The following THNSL1 variants were observed in gnomAD, a reference collection of about 807,000 sequenced individuals.
The protein encoded by THNSL1 is threonine synthase-like 1.
A neutral mutation model predicts 50.4 loss-of-function variants in THNSL1; 48 were observed. The observed-to-expected ratio is 0.95, with a 90% CI of 0.76 to 1.21. THNSL1 has a LOEUF of 1.21. THNSL1 is among the 50% of genes most tolerant of loss of function. The probability of loss-of-function intolerance (pLI) is 0.00; values close to 1 mark genes in which losing one functional copy is unlikely to be tolerated. For synonymous variants in THNSL1, 309 were observed against 306.1 expected, an observed-to-expected ratio of 1.01 and a Z score of -0.10; for missense variants, 896 against 871.7, an observed-to-expected ratio of 1.03 and a Z score of -0.35.
the THNSL1 span, chr10:24,990,584 A>G: frequency 6.2e-7 from 1 of 1,612,152 alleles, no homozygotes; most frequent in Non-Finnish European, 8.5e-7. Flanking sequence ...TCGCTTACAT[A>G]TGTATTCAGG....
At chr10:24,989,691 T>C in the THNSL1 span, among the ~76,000 whole-genome samples, 1 of 152,244 alleles carries the variant, frequency 6.6e-6, no homozygotes, top group African/African-American at 2.4e-5. Context: ...TCAGAAGTTG[T>C]AACAGCATAT....
the THNSL1 span, among the ~76,000 whole-genome samples, chr10:25,007,906 G>A: frequency 6.6e-6 from 1 of 151,090 alleles, no homozygotes; most frequent in East Asian, 1.9e-4. Flanking sequence ...CAACCACATA[G>A]TTTTCCAGGC....
chr10:24,952,671 G>C, the THNSL1 span: 1 of 371,858 alleles, frequency 2.7e-6, no homozygotes. This position sits in a 1 kb window ranked among gnomAD's most constrained non-coding sequence, Gnocchi z 5.1. Context: ...TGGGGACGGG[G>C]ACGGGGACGG....
At position 25,024,479 on chromosome 10, in the gene THNSL1, A is replaced by G; in HGVS notation, c.1256A>G (p.Gln419Arg). The change falls in exon 3 of 3, where the codon CAA becomes CGA. Residue 419 changes from glutamine to arginine, a missense_variant. Physicochemically the swap from Gln to Arg is conservative, Grantham distance 43. Transcript: ENST00000376356. ...GGAGTAAGTGATTTTCAAAAAGCAC[A>G]AATAATTGGCAGTCAGAGAGAAAAT... Reference protein sequence around the residue: ...ENGVSDFQKAQIIGSQRENGW... With the variant: ...ENGVSDFQKARIIGSQRENGW... 1 of 1,614,232 alleles carries G rather than the reference A, an allele frequency of 6.2e-7. No homozygotes were observed. Among genetic ancestry groups the G allele is most frequent in the Middle Eastern group, 1.6e-4 (1 of 6,062 alleles).
At chr10:24,986,481 A>G in the THNSL1 span, among the ~76,000 whole-genome samples, 1 of 152,242 alleles carries the variant, frequency 6.6e-6, no homozygotes, top group East Asian at 1.9e-4. Flanking sequence ...GAAGCCCTCA[A>G]AAGAATTCTA....
chr10:24,964,982 G>C, the THNSL1 span, among the ~76,000 whole-genome samples: 8 of 151,824 alleles, frequency 5.3e-5, no homozygotes, highest in African/African-American at 2.4e-5. Flanking sequence ...AGGATCACTT[G>C]ACTAGGAGGT....
At chr10:24,976,441 T>A in the THNSL1 span, among the ~76,000 whole-genome samples, 1 of 152,216 alleles carries the variant, frequency 6.6e-6, no homozygotes, top group South Asian at 2.1e-4. Flanking sequence ...CTAACTCGTC[T>A]ATCTCACTGT....
chr10:25,021,733 C>A lies in THNSL1; in HGVS notation c.-215-9C>A, dbSNP rs141182903. 36 of 152,140 alleles carry A rather than the reference C, an allele frequency of 2.4e-4. No homozygotes were observed. Among genetic ancestry groups the A allele is most frequent in the African/African-American group, 8.7e-4 (36 of 41,528 alleles). 9.4% of individuals were successfully genotyped at this position (152,140 alleles called of 1,614,324 possible). ...AGTTATGATTAACTTAAATTTTTTT[C>A]CATTATAGACTCCACGTTTTGCAAA... On this transcript the variant is annotated splice_polypyrimidine_tract_variant and intron_variant, in intron 1 of 2. Coordinates refer to ENST00000376356, the MANE Select transcript of THNSL1 (RefSeq NM_024838.5).
chr10:25,017,705 T>G (rs182168859), intron 1 of THNSL1, among the ~76,000 whole-genome samples: 59 of 152,246 alleles, frequency 3.9e-4, no homozygotes, highest in Admixed American at 9.8e-4. Flanking sequence ...CACATCAGAT[T>G]GTCTTCCAAA....
chr10:24,995,838 C>A, the THNSL1 span: 3 of 1,610,960 alleles, frequency 1.9e-6, no homozygotes, highest in African/African-American at 4.0e-5. Flanking sequence ...GCACAGCAGG[C>A]TTTTTGGGCA....
chr10:25,005,576 G>A, the THNSL1 span, among the ~76,000 whole-genome samples: 189 of 152,258 alleles, frequency 1.2e-3, no homozygotes, highest in African/African-American at 4.4e-3. Context: ...CTGAACTCTG[G>A]AGCCTAGGCT....
the THNSL1 span, among the ~76,000 whole-genome samples, chr10:24,967,393 T>C: frequency 6.6e-6 from 1 of 152,196 alleles, no homozygotes; most frequent in Non-Finnish European, 1.5e-5. Context: ...AGGCTTTGGC[T>C]CTTACAACTG....
chr10:24,975,215 C>A, the THNSL1 span, among the ~76,000 whole-genome samples: 5 of 152,212 alleles, frequency 3.3e-5, no homozygotes, highest in Middle Eastern at 0.014. Context: ...TACGTTAGTC[C>A]AAAACAGCAC....
the THNSL1 span, chr10:24,952,676 G>T: frequency 2.2e-5 from 19 of 862,212 alleles, no homozygotes; most frequent in Non-Finnish European, 3.4e-5. The surrounding 1 kb of genome is among the most constrained non-coding windows in gnomAD (Gnocchi z 5.1). Context: ...ACGGGGACGG[G>T]GACGGGGACG....
chr10:25,000,983 A>G, the THNSL1 span, among the ~76,000 whole-genome samples: 1 of 152,102 alleles, frequency 6.6e-6, no homozygotes, highest in African/African-American at 2.4e-5. Flanking sequence ...TTTCAAAAGA[A>G]TACTTGCATC....
At chr10:24,977,629 TA>T in the THNSL1 span, among the ~76,000 whole-genome samples, 1 of 152,230 alleles carries the variant, frequency 6.6e-6, no homozygotes, top group East Asian at 1.9e-4. Context: ...TATGTATTAA[TA>T]AAAAAATGAG....
At chr10:24,978,743 G>C in the THNSL1 span, among the ~76,000 whole-genome samples, 1 of 152,254 alleles carries the variant, frequency 6.6e-6, no homozygotes, top group Admixed American at 6.5e-5. Context: ...GTATCCGCCA[G>C]CGCTTTCCTG....
In THNSL1 at chr10:25,025,051, CTT is replaced by C; in HGVS notation, c.1829_1830del (p.Leu610ProfsTer7). 6.2e-7 allele frequency: 1 copy of C among 1,614,200 alleles called. No homozygotes were observed. The highest frequency in any genetic ancestry group is 1.1e-5 in the South Asian group (1 of 91,082). ...GATAGAAAAGGCTCTAGTTGAGAAA[CTT>C]CAGCAGGATTTTGTAGCTGACTGGT... The part of the protein sequence containing the change: ...FQIEKALVEK[L>X]QQDFVADWCS... On this transcript the variant is annotated frameshift_variant, in exon 3 of 3. Coordinates refer to ENST00000376356, the MANE Select transcript of THNSL1 (RefSeq NM_024838.5). LOFTEE classifies it high-confidence loss of function.
chr10:24,960,293 T>TA, the THNSL1 span, among the ~76,000 whole-genome samples: 2 of 152,208 alleles, frequency 1.3e-5, no homozygotes, highest in Non-Finnish European at 2.9e-5. Flanking sequence ...GGTATGGGCA[T>TA]ACTGGGCTCA....
Sources: allele counts gnomAD v4.1 joint callset (sites outside exome capture counted in the v4.1 genomes callset), GRCh38; gene constraint gnomAD v4.1.1; non-coding constraint Gnocchi (gnomAD v3.1); transcripts MANE v1.5; gene names NCBI Gene and HGNC (gene_info 2026-07-23, HGNC 2026-07-21).